MAK: variants seen among roughly 807,000 people sequenced by gnomAD.
MAK encodes serine/threonine-protein kinase MAK.
MAK carries 65 observed loss-of-function variants against 82.6 expected under a neutral mutation model. That is an observed-to-expected ratio of 0.79 (90% confidence interval 0.64 to 0.97). The LOEUF is 0.97. Among genes scored for constraint, MAK ranks in the 50% least tolerant of loss-of-function variants. MAK has a pLI of 0.00. For synonymous variants in MAK, 250 were observed against 274.2 expected, an observed-to-expected ratio of 0.91 and a Z score of 0.87; for missense variants, 703 against 780.2, an observed-to-expected ratio of 0.90 and a Z score of 1.18.
Position 10,793,375 on chromosome 6 carries a change from C to T in MAK, c.1144-1528G>A, listed in dbSNP as rs1271497068. On this transcript the variant is annotated intron_variant, in intron 9 of 14. Coordinates refer to ENST00000354489, the MANE Select transcript of MAK (RefSeq NM_001242957.3). This position sits in a 1 kb window ranked among gnomAD's most constrained non-coding sequence, Gnocchi z 4.6. ...AGTAGCCTGCCCAAGATCTCACGGT[C>T]GTTCTATTCATCATGAAGATTCAGG... Among the ~76,000 whole-genome samples, 1 of 152,102 alleles carries T rather than the reference C, an allele frequency of 6.6e-6. No homozygotes were observed. Among genetic ancestry groups the T allele is most frequent in the African/African-American group, 2.4e-5 (1 of 41,410 alleles).
chr6:10,807,273 T>C (rs1222999179), intron 6 of MAK, among the ~76,000 whole-genome samples: 1 of 144,696 alleles, frequency 6.9e-6, no homozygotes, highest in African/African-American at 2.5e-5. Flanking sequence ...CCCAACTCCC[T>C]GCCCCCTTTC....
rs549429162 is a variant in MAK at position 10,821,071 on chromosome 6, C to T, written c.102-2131G>A. ...TCAGGTGATCCTCCCACCTCTGCCTCCTGGGTAGCTGGGACTATAGGTACA... is the reference window on the plus strand; with the variant it reads ...TCAGGTGATCCTCCCACCTCTGCCTTCTGGGTAGCTGGGACTATAGGTACA... On this transcript the variant is annotated intron_variant, in intron 2 of 14. Transcript: ENST00000354489. 1.4e-4 allele frequency among the ~76,000 whole-genome samples: 21 copies of T among 152,062 alleles called. 1 individual carries two copies. The South Asian group carries it at 3.7e-3, about 27-fold the overall frequency.
At chr6:10,809,630 GA>G (rs1400454151) in intron 5 of MAK, among the ~76,000 whole-genome samples, 1 of 152,164 alleles carries the variant, frequency 6.6e-6, no homozygotes, top group African/African-American at 2.4e-5. Flanking sequence ...AATAAAAATG[GA>G]ACTCCACACA....
chr6:10,831,530 T>C (rs1238400638), intron 1 of MAK, among the ~76,000 whole-genome samples: 2 of 152,070 alleles, frequency 1.3e-5, no homozygotes, highest in Non-Finnish European at 2.9e-5. Context: ...GGCAGGAGGA[T>C]TGTAGAGGCC....
intron 10 of MAK, among the ~76,000 whole-genome samples, chr6:10,786,395 T>C (rs953906420): frequency 1.3e-5 from 2 of 151,816 alleles, no homozygotes; most frequent in Non-Finnish European, 2.9e-5. Context: ...CCAGTTCACC[T>C]CCTATTCACC....
chr6:10,777,027 A>G (rs551636326), intron 11 of MAK, among the ~76,000 whole-genome samples: 8 of 152,036 alleles, frequency 5.3e-5, no homozygotes, highest in Non-Finnish European at 1.0e-4. Context: ...TAGCCTGGGC[A>G]ACAGAGTGAG....
intron 6 of MAK, among the ~76,000 whole-genome samples, chr6:10,806,010 C>T (rs1776411633): frequency 6.6e-6 from 1 of 152,112 alleles, no homozygotes; most frequent in Admixed American, 6.6e-5. Context: ...GGGCGGATCC[C>T]TCATGAAAGG....
In MAK at chr6:10,825,023, A is replaced by G. The variant is rs113130868; in HGVS notation, c.101+5525T>C. Among the ~76,000 whole-genome samples the G allele has an allele frequency of 3.2e-3, 490 of 152,330 alleles. 4 individuals are homozygous for G. Among genetic ancestry groups the G allele is most frequent in the African/African-American group, 0.011 (474 of 41,562 alleles). Reference sequence around the variant, plus strand: ...TTTGGAAGAGAGACCACGTGACCCAATACTAGCCAGTAAGATGTAAGGGGA... The same window carrying G: ...TTTGGAAGAGAGACCACGTGACCCAGTACTAGCCAGTAAGATGTAAGGGGA... On this transcript the variant is annotated intron_variant, in intron 2 of 14. Coordinates refer to ENST00000354489, the MANE Select transcript of MAK (RefSeq NM_001242957.3).
At chr6:10,815,945 T>TATATATATATAAATAA (rs1171616235) in intron 4 of MAK, among the ~76,000 whole-genome samples, 1 of 116,826 alleles carries the variant, frequency 8.6e-6, no homozygotes, top group African/African-American at 3.8e-5. Context: ...TATATATATA[T>TATATATATATAAATAA]ATGTATGTTT....
rs533667734 is a variant in MAK at position 10,805,491 on chromosome 6, G to A, written c.492-1600C>T. Among the ~76,000 whole-genome samples the A allele has an allele frequency of 3.3e-5, 5 of 151,896 alleles. No individual in the cohort carries two copies. In the South Asian group the frequency reaches 6.2e-4, roughly 19 times the overall value. ...AAGCTCAGCTACTCGAGAGGCTGAGGCAGGAGAATCACTTGAATCCGGGAG... is the reference window on the plus strand; with the variant it reads ...AAGCTCAGCTACTCGAGAGGCTGAGACAGGAGAATCACTTGAATCCGGGAG... On this transcript the variant is annotated intron_variant, in intron 6 of 14. Coordinates refer to ENST00000354489, the MANE Select transcript of MAK (RefSeq NM_001242957.3).
chr6:10,802,094 G>A (rs1418795442), intron 7 of MAK, 35 bp from the exon 8 acceptor site: 2 of 1,582,824 alleles, frequency 1.3e-6, no homozygotes, highest in South Asian at 1.1e-5. Flanking sequence ...GGTGGGGAGG[G>A]CAAAACAAAT....
chr6:10,772,330 C>CT lies in MAK; in HGVS notation c.1672+703dup, dbSNP rs35702506. ...CACCATCTCTATTAACCCAGTTAAC[C>CT]TTTTTTTTTTTTTAATTTTTATTTA... On this transcript the variant is annotated intron_variant, in intron 13 of 14. Transcript: ENST00000354489. 5.6e-3 allele frequency among the ~76,000 whole-genome samples: 812 copies of CT among 144,628 alleles called. 2 individuals carry two copies. The highest frequency in any genetic ancestry group is 0.016 in the African/African-American group (632 of 39,706). The allele number at this position is 144,628 out of a possible 152,430, so 94.9% of individuals were successfully genotyped here.
intron 2 of MAK, among the ~76,000 whole-genome samples, chr6:10,823,518 C>T (rs766228032): frequency 1.1e-4 from 16 of 152,152 alleles, no homozygotes; most frequent in Non-Finnish European, 2.2e-4. Context: ...AAAATGTATT[C>T]AATGTAGAAC....
intron 9 of MAK, among the ~76,000 whole-genome samples, chr6:10,794,726 C>G (rs184376543): frequency 6.6e-6 from 1 of 152,190 alleles, no homozygotes; most frequent in African/African-American, 2.4e-5. Context: ...GGTGCGGTGG[C>G]TCAGGCCTGT....
chr6:10,836,389 A>G (rs999329786), intron 1 of MAK, among the ~76,000 whole-genome samples: 2 of 152,224 alleles, frequency 1.3e-5, no homozygotes, highest in Non-Finnish European at 2.9e-5. Context: ...GACGCTGATC[A>G]TTGCAACTGT....
intron 1 of MAK, among the ~76,000 whole-genome samples, 160 bp from the exon 2 acceptor site, chr6:10,831,037 T>G (rs901629381): frequency 3.3e-5 from 5 of 152,218 alleles, no homozygotes; most frequent in Non-Finnish European, 7.4e-5. Context: ...GAAGTTCACA[T>G]ATAACTCACT....
intron 1 of MAK, among the ~76,000 whole-genome samples, chr6:10,831,678 C>A (rs1219498557): frequency 6.6e-6 from 1 of 152,018 alleles, no homozygotes; most frequent in Non-Finnish European, 1.5e-5. Context: ...CCCAGGAGTT[C>A]AAGGTTACAG....
chr6:10,829,928 C>T (rs1778655009), intron 2 of MAK, among the ~76,000 whole-genome samples: 1 of 151,884 alleles, frequency 6.6e-6, no homozygotes, highest in South Asian at 2.1e-4. Context: ...CCTCTGCCTC[C>T]CAGGTTGAAG....
rs1470667539 is a variant in MAK, at chr6:10,830,802, C to G, written c.-154G>C. On this transcript the variant is annotated 5_prime_UTR_variant, in exon 2 of 15. Coordinates refer to ENST00000354489, the MANE Select transcript of MAK (RefSeq NM_001242957.3). ...TCATCATTAAATATAGTCTCTCCCC[C>G]AAGATTACAGAGGTTCATGAGATAT... 4 of 691,870 alleles carry G rather than the reference C, an allele frequency of 5.8e-6. No homozygotes were observed. The Admixed American group carries it at 8.1e-5, about 14-fold the overall frequency. 42.9% of individuals were successfully genotyped at this position (691,870 alleles called of 1,614,324 possible).
Sources: gnomAD v4.1 joint callset for allele counts (sites outside exome capture counted in the v4.1 genomes callset) on GRCh38, gnomAD v4.1.1 for gene constraint, Gnocchi (gnomAD v3.1) non-coding constraint, MANE v1.5 for transcripts, NCBI Gene and HGNC (gene_info 2026-07-23, HGNC 2026-07-21) for gene names.